Variants in NFIA observed in about 807,000 individuals in gnomAD.
The protein encoded by NFIA is nuclear factor 1 A-type.
A neutral mutation model predicts 62.8 loss-of-function variants in NFIA; 8 were observed. The observed-to-expected ratio is 0.13, with a 90% CI of 0.07 to 0.23. NFIA has a LOEUF of 0.23. Among genes scored for constraint, NFIA ranks in the 10% least tolerant of loss-of-function variants. The pLI, the probability that NFIA is intolerant of heterozygous loss-of-function variation, is 1.00. For missense variants in NFIA, 410 were observed against 642.1 expected (o/e 0.64, Z 3.91); for synonymous variants, 235 against 238.1 (o/e 0.99, Z 0.12).
At chr1:61,432,219 ATTT>A (rs10719480) in intron 10 of NFIA, among the ~76,000 whole-genome samples, 38 of 129,006 alleles carry the variant, frequency 2.9e-4, no homozygotes, top group Admixed American at 2.4e-4. Context: ...ACTTTTCCCT[ATTT>A]TTTTTTTTTT....
intron 3 of NFIA, among the ~76,000 whole-genome samples, chr1:61,308,561 G>A (rs1221386871): frequency 6.6e-6 from 1 of 152,112 alleles, no homozygotes; most frequent in African/African-American, 2.4e-5. Context: ...TTGCAGTTTT[G>A]CATAAAGGCA....
rs953154019 is a variant in NFIA at position 61,339,100 on chromosome 1, G to A, written c.700+6514G>A. Among the ~76,000 whole-genome samples the A allele has an allele frequency of 2.6e-5, 4 of 152,158 alleles. No individual in the cohort carries two copies. In the East Asian group the frequency reaches 5.8e-4, roughly 22 times the overall value. The stretch of plus-strand genomic sequence containing the variant: ...GGCAGTCTACTCAAACTATGTGCTC[G>A]ATCAATATCCTATTAAAGCAGCACA... On this transcript the variant is annotated intron_variant, in intron 4 of 10. Coordinates refer to ENST00000403491, the MANE Select transcript of NFIA (RefSeq NM_001134673.4).
At chr1:61,430,787 C>T (rs1179737747) in intron 10 of NFIA, among the ~76,000 whole-genome samples, 5 of 152,090 alleles carry the variant, frequency 3.3e-5, no homozygotes, top group East Asian at 1.9e-4. Context: ...CGGCTTTGTT[C>T]GAACATTCCT....
At chr1:61,359,092 C>G in intron 5 of NFIA, 55 bp from the exon 6 acceptor site, 1 of 1,598,078 alleles carries the variant, frequency 6.3e-7, no homozygotes, top group Non-Finnish European at 8.5e-7. Flanking sequence ...GGTGCAGTGT[C>G]CAAGAGAAAG....
At chr1:61,434,398 C>T (rs1667240493) in intron 10 of NFIA, among the ~76,000 whole-genome samples, 1 of 152,190 alleles carries the variant, frequency 6.6e-6, no homozygotes, top group African/African-American at 2.4e-5. Flanking sequence ...CCAGCTCCCA[C>T]ACCAACCTGT....
intron 2 of NFIA, among the ~76,000 whole-genome samples, chr1:61,216,051 G>A (rs1386421401): frequency 2.0e-5 from 3 of 152,184 alleles, no homozygotes; most frequent in Non-Finnish European, 4.4e-5. Context: ...ACCTTGCATG[G>A]TGCTGATGCA....
At chr1:61,113,615 A>AAAG (rs1557574666) in intron 2 of NFIA, among the ~76,000 whole-genome samples, 3 of 149,314 alleles carry the variant, frequency 2.0e-5, no homozygotes, top group African/African-American at 7.3e-5. Context: ...AAAAAAAAAA[A>AAAG]AGAGAATATG....
At position 61,398,148 on chromosome 1, in the gene NFIA, G is replaced by A. The variant is rs536934740; in HGVS notation, c.1076-5956G>A. Among the ~76,000 whole-genome samples, 8 of 152,296 alleles carry A rather than the reference G, an allele frequency of 5.3e-5. No homozygotes were observed. The East Asian group carries it at 5.8e-4, about 11-fold the overall frequency. On this transcript the variant is annotated intron_variant, in intron 7 of 10. Transcript: ENST00000403491. ...TAAACTTTTATTGGAACACAGCCGC[G>A]CTCATTTGTTTATGTAATGTCTGTG...
At chr1:61,329,659 G>T (rs1275166791) in intron 3 of NFIA, among the ~76,000 whole-genome samples, 1 of 152,086 alleles carries the variant, frequency 6.6e-6, no homozygotes, top group African/African-American at 2.4e-5. Flanking sequence ...GAGCCACAGT[G>T]CCCTGCCGTA....
chr1:61,441,070 C>G (rs751489493), intron 10 of NFIA, among the ~76,000 whole-genome samples: 1 of 152,106 alleles, frequency 6.6e-6, no homozygotes, highest in Non-Finnish European at 1.5e-5. Flanking sequence ...TAATCAGAGA[C>G]AGAGCAGGAC....
At chr1:61,253,146 C>CT (rs1371378544) in intron 2 of NFIA, among the ~76,000 whole-genome samples, 2 of 152,180 alleles carry the variant, frequency 1.3e-5, no homozygotes, top group African/African-American at 4.8e-5. Flanking sequence ...ACATGGAAGT[C>CT]TAACTGGCAG....
intron 6 of NFIA, among the ~76,000 whole-genome samples, 171 bp from the exon 7 acceptor site, chr1:61,383,066 T>G: frequency 6.6e-6 from 1 of 152,376 alleles, no homozygotes; most frequent in South Asian, 2.1e-4. Flanking sequence ...GGGACTATTC[T>G]GTCACCTCTT....
At chr1:61,371,741 GAGTT>G (rs936712942) in intron 6 of NFIA, among the ~76,000 whole-genome samples, 41 of 152,248 alleles carry the variant, frequency 2.7e-4, no homozygotes, top group African/African-American at 9.9e-4. Flanking sequence ...TGTCATTTGA[GAGTT>G]AGTAAGTGGA....
intron 9 of NFIA, among the ~76,000 whole-genome samples, chr1:61,418,953 C>T (rs1666480252): frequency 6.6e-6 from 1 of 152,176 alleles, no homozygotes; most frequent in African/African-American, 2.4e-5. Flanking sequence ...TCACCTGTCC[C>T]TACCCATATA....
chr1:61,177,223 A>C (rs1269712981), intron 2 of NFIA, among the ~76,000 whole-genome samples: 1 of 152,212 alleles, frequency 6.6e-6, no homozygotes, highest in Non-Finnish European at 1.5e-5. Flanking sequence ...GGGAATATCA[A>C]ACATAGGAAA....
At chr1:61,328,351 TAAAC>T (rs888086370) in intron 3 of NFIA, among the ~76,000 whole-genome samples, 1 of 152,030 alleles carries the variant, frequency 6.6e-6, no homozygotes, top group African/African-American at 2.4e-5. Context: ...TATCAGCTCT[TAAAC>T]AAGACCTGCC....
intron 2 of NFIA, among the ~76,000 whole-genome samples, chr1:61,171,027 GTGTT>G (rs1262392536): frequency 1.2e-4 from 18 of 152,218 alleles, no homozygotes; most frequent in South Asian, 2.1e-4. Context: ...GTGTGTGTGT[GTGTT>G]TATGTAGGCA....
intron 2 of NFIA, among the ~76,000 whole-genome samples, chr1:61,109,011 T>C (rs990338545): frequency 6.6e-6 from 1 of 151,918 alleles, no homozygotes; most frequent in African/African-American, 2.4e-5. Context: ...ATGAGATTTT[T>C]TGATACTGTG....
At chr1:61,206,286 A>G (rs1373331217) in intron 2 of NFIA, among the ~76,000 whole-genome samples, 4 of 152,128 alleles carry the variant, frequency 2.6e-5, no homozygotes, top group Non-Finnish European at 5.9e-5. Context: ...TTGTATTTGT[A>G]TGAAATCAGT....
Sources: gnomAD v4.1 joint callset for allele counts (sites outside exome capture counted in the v4.1 genomes callset) on GRCh38, gnomAD v4.1.1 for gene constraint, MANE v1.5 for transcripts, NCBI Gene and HGNC (gene_info 2026-07-23, HGNC 2026-07-21) for gene names.